Variants in FOXK1 observed in about 807,000 individuals in gnomAD.
FOXK1 encodes forkhead box protein K1.
Under a neutral mutation model 51.9 loss-of-function variants are expected in FOXK1, and 19 were observed. The ratio of observed to expected loss-of-function variants is 0.37; its 90% CI spans 0.26 to 0.54. FOXK1 has a LOEUF of 0.54. Ranked by LOEUF, FOXK1 falls within the 20% of genes least tolerant of loss-of-function variation. The pLI, the probability that FOXK1 is intolerant of heterozygous loss-of-function variation, is 0.87. For missense variants in FOXK1, 870 were observed against 1,032.7 expected (o/e 0.84, Z 2.16); for synonymous variants, 537 against 482.6 (o/e 1.11, Z -1.48).
In FOXK1 at chr7:4,755,321, G is replaced by C; in HGVS notation, c.988G>C (p.Gly330Arg). Reference sequence around the variant, plus strand: ...CCAGGACCGGCAGCTGACCCTGAGCGGGATCTACGCCCACATCACCAAGCA... The same window carrying C: ...CCAGGACCGGCAGCTGACCCTGAGCCGGATCTACGCCCACATCACCAAGCA... Reference protein sequence around the residue: ...SAQDRQLTLSGIYAHITKHYP... With the variant: ...SAQDRQLTLSRIYAHITKHYP... The change falls in exon 4 of 9, where the codon GGG (glycine) becomes CGG (arginine). Residue 330 changes from glycine (G) to arginine (R), a missense_variant. Coordinates refer to ENST00000328914, the MANE Select transcript of FOXK1 (RefSeq NM_001037165.2). The surrounding 1 kb of genome is among the most constrained non-coding windows in gnomAD (Gnocchi z 6.6). The C allele has an allele frequency of 6.2e-7, 1 of 1,613,872 alleles. No homozygotes were observed. Among genetic ancestry groups the C allele is most frequent in the Non-Finnish European group, 8.5e-7 (1 of 1,180,040 alleles).
Position 4,749,669 on chromosome 7 carries a change from G to A in FOXK1, c.747-4790G>A, listed in dbSNP as rs550559427. ...TGTCCTCCCTGGGCCTGCCGGAAGC[G>A]ATAACTGTCCCGACCCTAGGCCTCT... On this transcript the variant is annotated intron_variant, in intron 2 of 8. Coordinates refer to ENST00000328914, the MANE Select transcript of FOXK1 (RefSeq NM_001037165.2). This position sits in a 1 kb window ranked among gnomAD's most constrained non-coding sequence, Gnocchi z 6.0. 3.9e-4 allele frequency among the ~76,000 whole-genome samples: 59 copies of A among 152,294 alleles called. No homozygotes were observed. The highest frequency in any genetic ancestry group is 1.3e-3 in the African/African-American group (56 of 41,570).
chr7:4,690,003 G>C (rs890425146), intron 1 of FOXK1, among the ~76,000 whole-genome samples: 1 of 152,200 alleles, frequency 6.6e-6, no homozygotes, highest in African/African-American at 2.4e-5. Flanking sequence ...AACTCAGGTG[G>C]TGCTGTCTCG....
In FOXK1 at chr7:4,769,030, T is replaced by C. The variant is rs566373301; in HGVS notation, c.*6566T>C. On this transcript the variant is annotated 3_prime_UTR_variant, in exon 9 of 9. Transcript: ENST00000328914. This position sits in a 1 kb window ranked among gnomAD's most constrained non-coding sequence, Gnocchi z 4.1. ...CTGAAGTGAGCGTTCCTCCTCTGAATTGGTGAGGCTTTGGAAATTTTTTGT... is the reference window on the plus strand; with the variant it reads ...CTGAAGTGAGCGTTCCTCCTCTGAACTGGTGAGGCTTTGGAAATTTTTTGT... 4 of 152,204 alleles carry C rather than the reference T, an allele frequency of 2.6e-5. No individual in the cohort carries two copies. The highest frequency in any genetic ancestry group is 9.7e-5 in the African/African-American group (4 of 41,450). The allele number at this position is 152,204 out of a possible 1,614,324, so 9.4% of individuals were successfully genotyped here.
intron 1 of FOXK1, among the ~76,000 whole-genome samples, chr7:4,708,271 A>C (rs1780130281): frequency 6.6e-6 from 1 of 152,184 alleles, no homozygotes; most frequent in Non-Finnish European, 1.5e-5. Flanking sequence ...TCTAAAAATG[A>C]GTCCCCGATG....
In FOXK1 at chr7:4,683,972, C is replaced by CCCCGGG. The variant is rs772050589; in HGVS notation, c.560+1109_560+1114dup. On this transcript the variant is annotated intron_variant, in intron 1 of 8. Transcript: ENST00000328914. The surrounding 1 kb of genome is among the most constrained non-coding windows in gnomAD (Gnocchi z 4.5). ...GGGACCCCAAGATCAAATTAGATTC[C>CCCCGGG]CCCGGGCCCGAGGTCACCAGGGCAG... Among the ~76,000 whole-genome samples, 5 of 152,154 alleles carry CCCCGGG rather than the reference C, an allele frequency of 3.3e-5. No individual in the cohort carries two copies. Among genetic ancestry groups the CCCCGGG allele is most frequent in the Non-Finnish European group, 5.9e-5 (4 of 68,024 alleles).
intron 1 of FOXK1, among the ~76,000 whole-genome samples, chr7:4,727,910 G>A (rs1301217062): frequency 6.6e-6 from 1 of 152,242 alleles, no homozygotes; most frequent in South Asian, 2.1e-4. Flanking sequence ...CCTTCGGGAG[G>A]GGAGGAAAAG....
rs1248488287 is a variant in FOXK1, at chr7:4,759,542, G to A, written c.1643G>A (p.Gly548Asp). 1 of 1,555,948 alleles carries A rather than the reference G, an allele frequency of 6.4e-7. No homozygotes were observed. The highest frequency in any genetic ancestry group is 8.6e-7 in the Non-Finnish European group (1 of 1,157,020). Residue 548 changes from glycine (G) to aspartate (D), a missense_variant, in exon 7 of 9, where the codon GGC becomes GAC. Gly to Asp is a moderately conservative substitution (Grantham distance 94). Around this residue, in one of 3 missense-constraint regions of FOXK1, gnomAD observed 457 missense variants for 510.8 expected, o/e 0.89. Coordinates refer to ENST00000328914, the MANE Select transcript of FOXK1 (RefSeq NM_001037165.2). ...YILTSQGAAG[G>D]SHDAAGAAVL... ...CTCACCAGCCAGGGCGCGGCGGGGG[G>A]CTCCCATGATGCGGCGGGCGCAGCC...
rs373648193 is a variant in FOXK1 at position 4,715,154 on chromosome 7, T to C, written c.561-25684T>C. 8.6e-6 allele frequency among the ~76,000 whole-genome samples: 1 copy of C among 115,678 alleles called. No individual in the cohort carries two copies. Among genetic ancestry groups the C allele is most frequent in the Non-Finnish European group, 1.7e-5 (1 of 57,352 alleles). 75.9% of individuals were successfully genotyped at this position (115,678 alleles called of 152,430 possible). A position where few individuals can be genotyped will look rare whatever the true frequency, so the allele number is the denominator to read the frequency against. ...AGTGCACGGTGGAATTGTGATACGGTACATGGTGGAACTGTGACGATACGG... is the reference window on the plus strand; with the variant it reads ...AGTGCACGGTGGAATTGTGATACGGCACATGGTGGAACTGTGACGATACGG... On this transcript the variant is annotated intron_variant, in intron 1 of 8. Coordinates refer to ENST00000328914, the MANE Select transcript of FOXK1 (RefSeq NM_001037165.2). The surrounding 1 kb of genome is among the most constrained non-coding windows in gnomAD (Gnocchi z 4.5).
rs1281946436 is a variant in FOXK1 at position 4,754,628 on chromosome 7, C to T, written c.903+13C>T. Reference sequence around the variant, plus strand: ...AGACAGCCCCAAGGTCTGAGCCCACCTGGCGCCGTGGTGCACCTGGTGACC... The same window carrying T: ...AGACAGCCCCAAGGTCTGAGCCCACTTGGCGCCGTGGTGCACCTGGTGACC... On this transcript the variant is annotated intron_variant, in intron 3 of 8. Transcript: ENST00000328914. 7.5e-6 allele frequency: 12 copies of T among 1,599,280 alleles called. No individual in the cohort carries two copies. The highest frequency in any genetic ancestry group is 1.0e-5 in the Non-Finnish European group (12 of 1,178,706).
In FOXK1 at chr7:4,769,080, G is replaced by C. The variant is rs916650108; in HGVS notation, c.*6616G>C. 1 of 152,182 alleles carries C rather than the reference G, an allele frequency of 6.6e-6. No individual in the cohort carries two copies. The highest frequency in any genetic ancestry group is 1.5e-5 in the Non-Finnish European group (1 of 68,044). 9.4% of individuals were successfully genotyped at this position (152,182 alleles called of 1,614,324 possible). ...TTTCTTCTACTCATCCTAATGGCTG[G>C]TTTTGGCTGCCCGGAGTATCAGAGA... On this transcript the variant is annotated 3_prime_UTR_variant, in exon 9 of 9. Coordinates refer to ENST00000328914, the MANE Select transcript of FOXK1 (RefSeq NM_001037165.2). The surrounding 1 kb of genome is among the most constrained non-coding windows in gnomAD (Gnocchi z 4.1).
At chr7:4,693,761 C>A (rs1453170644) in intron 1 of FOXK1, among the ~76,000 whole-genome samples, 1 of 152,154 alleles carries the variant, frequency 6.6e-6, no homozygotes, top group Non-Finnish European at 1.5e-5. Context: ...TTGAGGCGGT[C>A]TTGTTCTGTT....
In FOXK1 at chr7:4,747,166, G is replaced by A. The variant is rs928445018; in HGVS notation, c.746+6143G>A. 3.9e-5 allele frequency among the ~76,000 whole-genome samples: 6 copies of A among 152,174 alleles called. No individual in the cohort carries two copies. Among genetic ancestry groups the A allele is most frequent in the South Asian group, 2.1e-4 (1 of 4,828 alleles). ...TCCTGTAATCTCGGAGGGTCCTAGC[G>A]CCCGACTTCTCAGGTCAGCCTCGGG... is the stretch of plus-strand genomic sequence containing the variant. On this transcript the variant is annotated intron_variant, in intron 2 of 8. Transcript: ENST00000328914. The surrounding 1 kb of genome is among the most constrained non-coding windows in gnomAD (Gnocchi z 9.2).
Position 4,683,348 on chromosome 7 carries a change from T to G in FOXK1, c.560+480T>G, listed in dbSNP as rs984534365. On this transcript the variant is annotated intron_variant, in intron 1 of 8. Coordinates refer to ENST00000328914, the MANE Select transcript of FOXK1 (RefSeq NM_001037165.2). This position sits in a 1 kb window ranked among gnomAD's most constrained non-coding sequence, Gnocchi z 4.5. The stretch of plus-strand genomic sequence containing the variant: ...CTCCGGGGTCATTCTGAACTCCCAC[T>G]GGCCTGGATCCCTGGGGTCATCTAC... Among the ~76,000 whole-genome samples, 6 of 151,772 alleles carry G rather than the reference T, an allele frequency of 4.0e-5. No homozygotes were observed. The highest frequency in any genetic ancestry group is 1.5e-4 in the African/African-American group (6 of 41,318).
chr7:4,689,527 G>A lies in FOXK1; in HGVS notation c.560+6659G>A, dbSNP rs201488986. Among the ~76,000 whole-genome samples, 886 of 152,274 alleles carry A rather than the reference G, an allele frequency of 5.8e-3. 7 individuals are homozygous for A. The highest frequency in any genetic ancestry group is 9.8e-3 in the Non-Finnish European group (665 of 68,022). On this transcript the variant is annotated intron_variant, in intron 1 of 8. Transcript: ENST00000328914. ...TGACAATTGGGTGTTTTCATGCAGC[G>A]AGTGAGATGTGCCACCCTGGAACCT...
chr7:4,711,047 CGCTTAGAG>C lies in FOXK1; in HGVS notation c.560+28180_560+28187del. Among the ~76,000 whole-genome samples, 1 of 148,972 alleles carries C rather than the reference CGCTTAGAG, an allele frequency of 6.7e-6. No homozygotes were observed. The highest frequency in any genetic ancestry group is 2.6e-5 in the African/African-American group (1 of 38,420). ...TGCAGAGCAGCCTGGCTTTAGAGAA[CGCTTAGAG>C]AAGATGGAGATGGATGGAGACGGCT... is the stretch of plus-strand genomic sequence containing the variant. On this transcript the variant is annotated intron_variant, in intron 1 of 8. Coordinates refer to ENST00000328914, the MANE Select transcript of FOXK1 (RefSeq NM_001037165.2). The surrounding 1 kb of genome is among the most constrained non-coding windows in gnomAD (Gnocchi z 6.3).
chr7:4,692,889 C>A (rs1779910558), intron 1 of FOXK1, among the ~76,000 whole-genome samples: 1 of 152,090 alleles, frequency 6.6e-6, no homozygotes, highest in South Asian at 2.1e-4. Context: ...ACCAGACCAG[C>A]TAATTTCTTT....
At chr7:4,752,255 C>T (rs1471941553) in intron 2 of FOXK1, among the ~76,000 whole-genome samples, 3 of 152,258 alleles carry the variant, frequency 2.0e-5, no homozygotes, top group Non-Finnish European at 1.5e-5. Context: ...AGCAGTCCTC[C>T]TGCCTCAGCC....
intron 2 of FOXK1, among the ~76,000 whole-genome samples, chr7:4,742,287 C>T (rs771997788): frequency 1.8e-4 from 28 of 152,348 alleles, no homozygotes; most frequent in Admixed American, 6.5e-4. Context: ...TCTGTTGGAG[C>T]GAGCGCTGTG....
intron 1 of FOXK1, among the ~76,000 whole-genome samples, chr7:4,688,003 A>G (rs1779842340): frequency 6.6e-6 from 1 of 152,150 alleles, no homozygotes; most frequent in African/African-American, 2.4e-5. Context: ...AAGTGTTGGG[A>G]TTACAGGCAT....
Sources: allele counts gnomAD v4.1 joint callset (sites outside exome capture counted in the v4.1 genomes callset), GRCh38; gene constraint gnomAD v4.1.1; regional missense constraint gnomAD v4.1.1; non-coding constraint Gnocchi (gnomAD v3.1); transcripts MANE v1.5; gene names NCBI Gene and HGNC (gene_info 2026-07-23, HGNC 2026-07-21).